CAP2: variants seen among roughly 807,000 people sequenced by gnomAD.
CAP2 encodes the protein adenylyl cyclase-associated protein 2.
In CAP2, 24 loss-of-function variants were observed where a neutral mutation model predicts 57.7. The observed-to-expected ratio is 0.42, with a 90% CI of 0.30 to 0.58. The LOEUF is 0.58. Among genes scored for constraint, CAP2 ranks in the 20% least tolerant of loss-of-function variants. CAP2 has a pLI of 0.22. For missense variants in CAP2, 501 were observed against 590.3 expected (o/e 0.85, Z 1.57); for synonymous variants, 194 against 207.2 (o/e 0.94, Z 0.55).
chr6:17,519,572 A>G (rs192347415), intron 7 of CAP2, among the ~76,000 whole-genome samples: 226 of 152,244 alleles, frequency 1.5e-3, no homozygotes, highest in Middle Eastern at 6.8e-3. Flanking sequence ...AGTTTGTGTC[A>G]TTTCCTCAGT....
intron 4 of CAP2, among the ~76,000 whole-genome samples, chr6:17,483,890 A>C (rs1195429227): frequency 2.0e-5 from 3 of 151,316 alleles, no homozygotes; most frequent in African/African-American, 4.9e-5. Context: ...CCCTGAAAAA[A>C]CCCAGAGGAG....
At chr6:17,496,037 G>C (rs866881976) in intron 4 of CAP2, among the ~76,000 whole-genome samples, 3 of 132,218 alleles carry the variant, frequency 2.3e-5, no homozygotes, top group Non-Finnish European at 3.2e-5. Flanking sequence ...TGGGGGGGGG[G>C]GGTAAGTCAG....
chr6:17,416,024 T>C (rs1420730336), intron 1 of CAP2, among the ~76,000 whole-genome samples: 1 of 151,950 alleles, frequency 6.6e-6, no homozygotes, highest in African/African-American at 2.4e-5. Context: ...CATCCTTTGC[T>C]GTTTAGAAGC....
At chr6:17,435,673 G>C (rs1411914897) in intron 3 of CAP2, among the ~76,000 whole-genome samples, 1 of 30,948 alleles carries the variant, frequency 3.2e-5, no homozygotes, top group Non-Finnish European at 5.3e-5. Context: ...CTAAAACTTA[G>C]AGTATAATAA....
At position 17,513,258 on chromosome 6, in the gene CAP2, AT is replaced by A. The variant is rs1284764450; in HGVS notation, c.531-588del. ...TCATTCAAAGTATTAAATTAAGGGAATTTAAGTAAATGTCCCTTTAGAAGTA... is the reference window on the plus strand; with the variant it reads ...TCATTCAAAGTATTAAATTAAGGGAATTAAGTAAATGTCCCTTTAGAAGTA... On this transcript the variant is annotated intron_variant, in intron 6 of 12. Coordinates refer to ENST00000229922, the MANE Select transcript of CAP2 (RefSeq NM_006366.3). This position sits in a 1 kb window ranked among gnomAD's most constrained non-coding sequence, Gnocchi z 4.3. Among the ~76,000 whole-genome samples the A allele has an allele frequency of 6.6e-6, 1 of 152,136 alleles. No homozygotes were observed. Among genetic ancestry groups the A allele is most frequent in the African/African-American group, 2.4e-5 (1 of 41,418 alleles).
In CAP2 at chr6:17,468,300, G is replaced by A. The variant is rs111663392; in HGVS notation, c.300+5227G>A. On this transcript the variant is annotated intron_variant, in intron 4 of 12. Transcript: ENST00000229922. ...TTTCCTTTCTCACTTTGGCAATGAGGAAACAGGTCTCTTGCATTCTCTAAT... is the reference window on the plus strand; with the variant it reads ...TTTCCTTTCTCACTTTGGCAATGAGAAAACAGGTCTCTTGCATTCTCTAAT... Among the ~76,000 whole-genome samples the A allele has an allele frequency of 8.3e-3, 1,258 of 152,256 alleles. 16 individuals are homozygous for A. Among genetic ancestry groups the A allele is most frequent in the African/African-American group, 0.029 (1,187 of 41,536 alleles).
chr6:17,416,604 G>A (rs184093644), intron 1 of CAP2, among the ~76,000 whole-genome samples: 1 of 152,266 alleles, frequency 6.6e-6, no homozygotes, highest in East Asian at 1.9e-4. Flanking sequence ...CAACTCAGTA[G>A]ATAATGCCCC....
At chr6:17,544,793 G>A (rs904222670) in intron 11 of CAP2, among the ~76,000 whole-genome samples, 3 of 152,152 alleles carry the variant, frequency 2.0e-5, no homozygotes, top group African/African-American at 7.2e-5. Flanking sequence ...GACCTCAAGT[G>A]GTCCACCTGC....
Position 17,551,496 on chromosome 6 carries a change from TA to T in CAP2, c.1244del (p.Lys415ArgfsTer14). On this transcript the variant is annotated frameshift_variant, in exon 12 of 13. Transcript: ENST00000229922. LOFTEE classifies it high-confidence loss of function. ...MGRVPTISIN[K>X]TEGCHIYLSE... is the part of the protein sequence containing the mutation. ...GGAGAGTGCCAACAATTTCCATTAA[TA>T]AGACAGAAGGTTGCCACATATACCT... The T allele has an allele frequency of 1.2e-6, 2 of 1,609,668 alleles. No homozygotes were observed. The highest frequency in any genetic ancestry group is 1.7e-6 in the Non-Finnish European group (2 of 1,177,336).
intron 11 of CAP2, 31 bp from the exon 12 acceptor site, chr6:17,551,433 C>T (rs1465253015): frequency 1.3e-6 from 2 of 1,550,892 alleles, no homozygotes; most frequent in Non-Finnish European, 1.8e-6. Flanking sequence ...TGTTTCTTTG[C>T]TTTGGTCCCA....
chr6:17,445,550 G>A (rs116451879), intron 3 of CAP2, among the ~76,000 whole-genome samples: 3,645 of 152,294 alleles, frequency 0.024, 163 homozygotes, highest in African/African-American at 0.083. Flanking sequence ...TTTGGAGTCT[G>A]AAAGGGTAAG....
At chr6:17,530,247 A>T (rs909225153) in intron 7 of CAP2, among the ~76,000 whole-genome samples, 2 of 151,820 alleles carry the variant, frequency 1.3e-5, no homozygotes, top group South Asian at 2.1e-4. Flanking sequence ...CACCCGGCTA[A>T]TTTTTTTACT....
intron 4 of CAP2, among the ~76,000 whole-genome samples, chr6:17,480,849 A>G (rs1761270849): frequency 6.9e-6 from 1 of 144,868 alleles, no homozygotes; most frequent in African/African-American, 2.6e-5. Flanking sequence ...ATCTCGGCTC[A>G]CTGCAACCTC....
At chr6:17,472,739 G>A (rs904483291) in intron 4 of CAP2, among the ~76,000 whole-genome samples, 2 of 152,214 alleles carry the variant, frequency 1.3e-5, no homozygotes, top group Non-Finnish European at 2.9e-5. Flanking sequence ...GCAGGGGTTT[G>A]TGTGATATCA....
Position 17,539,440 on chromosome 6 carries a change from G to A in CAP2, c.808G>A (p.Gly270Arg), listed in dbSNP as rs1235072444. 6.2e-7 allele frequency: 1 copy of A among 1,613,856 alleles called. No individual in the cohort carries two copies. Among genetic ancestry groups the A allele is most frequent in the African/African-American group, 1.3e-5 (1 of 75,030 alleles). The change falls in exon 8 of 13, where the codon GGA becomes AGA. Residue 270 changes from glycine to arginine, a missense_variant. Transcript: ENST00000229922. ...AGCTTTATTTGCCCAACTTAACCAG[G>A]GAGAAGCAATTACAAAAGGTGAGAG... The part of the protein sequence containing the change: ...RSALFAQLNQ[G>R]EAITKGLRHV...
At chr6:17,489,322 C>T (rs1396321973) in intron 4 of CAP2, among the ~76,000 whole-genome samples, 1 of 152,168 alleles carries the variant, frequency 6.6e-6, no homozygotes, top group African/African-American at 2.4e-5. Context: ...AGCCCAGCTA[C>T]TCAGGAGGCT....
At chr6:17,430,833 G>A (rs548589682) in intron 3 of CAP2, among the ~76,000 whole-genome samples, 9 of 152,232 alleles carry the variant, frequency 5.9e-5, no homozygotes, top group Admixed American at 3.9e-4. Flanking sequence ...CACTGCACCC[G>A]GCCATTAGGG....
intron 4 of CAP2, among the ~76,000 whole-genome samples, chr6:17,486,100 T>C (rs1171981097): frequency 1.3e-5 from 2 of 149,798 alleles, no homozygotes; most frequent in Non-Finnish European, 3.0e-5. Flanking sequence ...GTCCCAGCTA[T>C]CTGGGAGGCT....
At chr6:17,507,031 C>T in intron 4 of CAP2, 138 bp from the exon 5 acceptor site, 1 of 816,530 alleles carries the variant, frequency 1.2e-6, no homozygotes, top group South Asian at 1.5e-5. Context: ...ATGCTGTTCT[C>T]AAAGATGATT....
Sources: allele counts gnomAD v4.1 joint callset (sites outside exome capture counted in the v4.1 genomes callset), GRCh38; gene constraint gnomAD v4.1.1; non-coding constraint Gnocchi (gnomAD v3.1); transcripts MANE v1.5; gene names NCBI Gene and HGNC (gene_info 2026-07-23, HGNC 2026-07-21).